The following KCNIP4 variants were observed in gnomAD, a reference collection of about 807,000 sequenced individuals.
KCNIP4 encodes potassium voltage-gated channel interacting protein 4.
In KCNIP4, 12 loss-of-function variants were observed where a neutral mutation model predicts 34.0. The ratio of observed to expected loss-of-function variants is 0.35; its 90% confidence interval spans 0.23 to 0.57. The LOEUF is 0.57. Ranked by LOEUF, KCNIP4 falls within the 20% of genes least tolerant of loss-of-function variation. The pLI is 0.83. For missense variants in KCNIP4, 238 were observed against 311.7 expected, an observed-to-expected ratio of 0.76 and a Z score of 1.78; for synonymous variants, 124 against 102.2, an observed-to-expected ratio of 1.21 and a Z score of -1.29.
chr4:21,482,087 T>A (rs2109835427), intron 1 of KCNIP4, among the ~76,000 whole-genome samples: 1 of 152,086 alleles, frequency 6.6e-6, no homozygotes, highest in African/African-American at 2.4e-5. Flanking sequence ...TCTCTTTTGA[T>A]CTTTGTTGGT....
At chr4:20,941,416 G>A (rs1420764432) in intron 1 of KCNIP4, among the ~76,000 whole-genome samples, 4 of 152,134 alleles carry the variant, frequency 2.6e-5, no homozygotes, top group Non-Finnish European at 4.4e-5. Flanking sequence ...CGAAACAGAT[G>A]TTTTCTGCTT....
intron 1 of KCNIP4, among the ~76,000 whole-genome samples, chr4:21,110,363 G>C (rs1316822484): frequency 6.6e-6 from 1 of 152,118 alleles, no homozygotes; most frequent in Non-Finnish European, 1.5e-5. Flanking sequence ...CAGCAAGGAG[G>C]GCCAAATGGT....
intron 1 of KCNIP4, among the ~76,000 whole-genome samples, chr4:21,762,142 T>C (rs1718101315): frequency 6.6e-6 from 1 of 152,188 alleles, no homozygotes; most frequent in South Asian, 2.1e-4. Flanking sequence ...GCCACATATA[T>C]AATTTTATTT....
chr4:21,004,598 C>T (rs1037710174), intron 1 of KCNIP4, among the ~76,000 whole-genome samples: 2 of 152,114 alleles, frequency 1.3e-5, no homozygotes, highest in Admixed American at 1.3e-4. Flanking sequence ...GAGGAGCCTA[C>T]AACAATTACT....
intron 1 of KCNIP4, among the ~76,000 whole-genome samples, chr4:21,882,793 G>C (rs1343871129): frequency 6.6e-6 from 1 of 152,076 alleles, no homozygotes; most frequent in South Asian, 2.1e-4. Context: ...TGAAATGGAA[G>C]TCTCATCCAT....
intron 1 of KCNIP4, among the ~76,000 whole-genome samples, chr4:20,936,891 A>C (rs979762689): frequency 6.6e-6 from 1 of 152,088 alleles, no homozygotes; most frequent in Non-Finnish European, 1.5e-5. Context: ...AATAATAGTT[A>C]CTCTGCGCAT....
At chr4:21,667,907 T>C (rs1439876702) in intron 1 of KCNIP4, among the ~76,000 whole-genome samples, 1 of 152,196 alleles carries the variant, frequency 6.6e-6, no homozygotes, top group South Asian at 2.1e-4. Flanking sequence ...CTCTGCAGCA[T>C]CTTCTAGTTT....
At chr4:21,165,783 T>C (rs985838346) in intron 1 of KCNIP4, among the ~76,000 whole-genome samples, 1 of 152,194 alleles carries the variant, frequency 6.6e-6, no homozygotes, top group Non-Finnish European at 1.5e-5. Flanking sequence ...ATGGATTGAA[T>C]GTTTGTGTCC....
chr4:21,374,733 T>A (rs1720815207), intron 1 of KCNIP4, among the ~76,000 whole-genome samples: 1 of 147,518 alleles, frequency 6.8e-6, no homozygotes, highest in Admixed American at 6.6e-5. Context: ...AGGATCAGGT[T>A]GATGTCTACT....
At chr4:21,417,385 A>AAAAAAATAAAATAAAAAAT (rs1725046573) in intron 1 of KCNIP4, among the ~76,000 whole-genome samples, 1 of 151,922 alleles carries the variant, frequency 6.6e-6, no homozygotes, top group Non-Finnish European at 1.5e-5. Flanking sequence ...AAGAAGATTA[A>AAAAAAATAAAATAAAAAAT]AAAAAATAAA....
At chr4:21,089,876 C>G (rs1361757293) in intron 1 of KCNIP4, among the ~76,000 whole-genome samples, 1 of 152,176 alleles carries the variant, frequency 6.6e-6, no homozygotes, top group African/African-American at 2.4e-5. Context: ...CTCTGGATAA[C>G]CCTATACTGG....
chr4:21,261,759 C>G (rs1219562849), intron 1 of KCNIP4, among the ~76,000 whole-genome samples: 3 of 152,144 alleles, frequency 2.0e-5, no homozygotes, highest in African/African-American at 7.2e-5. Flanking sequence ...TCAACCTCTT[C>G]CCATCTTCAT....
At chr4:21,019,676 CAAAT>C (rs1485709642) in intron 1 of KCNIP4, among the ~76,000 whole-genome samples, 1 of 152,000 alleles carries the variant, frequency 6.6e-6, no homozygotes, top group African/African-American at 2.4e-5. Context: ...TTGTTCAAAT[CAAAT>C]ACAGTGACAT....
At chr4:21,550,949 G>A (rs1000719598) in intron 1 of KCNIP4, among the ~76,000 whole-genome samples, 2 of 151,904 alleles carry the variant, frequency 1.3e-5, no homozygotes, top group Non-Finnish European at 2.9e-5. Context: ...CCTTTAAAAC[G>A]CTTTAGAGGG....
At chr4:21,836,169 T>G (rs1560750422) in intron 1 of KCNIP4, among the ~76,000 whole-genome samples, 1 of 152,184 alleles carries the variant, frequency 6.6e-6, no homozygotes, top group African/African-American at 2.4e-5. Context: ...TCACTTAGGT[T>G]CTTAAGTTTA....
At chr4:21,014,854 C>A (rs1739362832) in intron 1 of KCNIP4, among the ~76,000 whole-genome samples, 2 of 152,114 alleles carry the variant, frequency 1.3e-5, no homozygotes, top group Non-Finnish European at 2.9e-5. Context: ...AACGTGGAAA[C>A]AACGCCAATG....
intron 1 of KCNIP4, among the ~76,000 whole-genome samples, chr4:21,648,833 A>G (rs1459976937): frequency 2.0e-5 from 3 of 152,174 alleles, no homozygotes; most frequent in Non-Finnish European, 4.4e-5. Flanking sequence ...GAGGCCCCGC[A>G]CATCATAGAA....
At chr4:21,027,579 AATATATATATTATAG>A (rs929892747) in intron 1 of KCNIP4, among the ~76,000 whole-genome samples, 11 of 148,618 alleles carry the variant, frequency 7.4e-5, no homozygotes, top group African/African-American at 2.7e-4. Context: ...ATATATTATA[AATATATATATTATAG>A]ATACAAAATA....
intron 1 of KCNIP4, among the ~76,000 whole-genome samples, chr4:21,927,888 C>T (rs569168694): frequency 3.6e-4 from 55 of 152,090 alleles, no homozygotes; most frequent in African/African-American, 1.3e-3. Context: ...ACAATACTCA[C>T]CCACACGATG....
Sources: allele counts gnomAD v4.1 joint callset (sites outside exome capture counted in the v4.1 genomes callset), GRCh38; gene constraint gnomAD v4.1.1; transcripts MANE v1.5; gene names NCBI Gene and HGNC (gene_info 2026-07-23, HGNC 2026-07-21).